Variants in MALT1 observed in about 807,000 individuals in gnomAD.
The protein encoded by MALT1 is MALT1 paracaspase.
A neutral mutation model predicts 85.5 loss-of-function variants in MALT1; 36 were observed. That is an observed-to-expected ratio of 0.42 (90% confidence interval 0.32 to 0.56). MALT1 has a LOEUF of 0.56. Ranked by LOEUF, MALT1 falls within the 20% of genes least tolerant of loss-of-function variation. The pLI is 0.10. For synonymous variants in MALT1, 359 were observed against 361.3 expected (o/e 0.99, Z 0.07); for missense variants, 716 against 981.6 (o/e 0.73, Z 3.62).
intron 1 of MALT1, 153 bp downstream of exon 1, chr18:58,672,005 G>T (rs538885990): frequency 3.1e-5 from 14 of 449,808 alleles, no homozygotes; most frequent in African/African-American, 2.7e-4. Flanking sequence ...GAGGCGGAGC[G>T]GAACTCAGCA....
intron 15 of MALT1, 83 bp from the exon 16 acceptor site, chr18:58,745,583 C>A: frequency 1.7e-6 from 2 of 1,200,588 alleles, no homozygotes; most frequent in South Asian, 1.4e-5. Flanking sequence ...AGGATAGTAT[C>A]AGTTAAGATG....
At chr18:58,737,437 C>T (rs965285166) in intron 13 of MALT1, among the ~76,000 whole-genome samples, 7 of 149,104 alleles carry the variant, frequency 4.7e-5, no homozygotes, top group Non-Finnish European at 1.0e-4. Flanking sequence ...AGTATGACCA[C>T]ACCACTGCTC....
chr18:58,710,991 A>G (rs779661977), intron 7 of MALT1, 38 bp downstream of exon 7: 2 of 1,493,514 alleles, frequency 1.3e-6, no homozygotes, highest in South Asian at 2.6e-5. Flanking sequence ...AATCTCCTGC[A>G]TGCTAGTTAC....
intron 12 of MALT1, 88 bp from the exon 13 acceptor site, chr18:58,735,114 G>T: frequency 1.6e-6 from 2 of 1,218,146 alleles, no homozygotes; most frequent in South Asian, 1.4e-5. Flanking sequence ...GCTTCTCTGA[G>T]TTCATTTTTA....
rs2054802425 is a variant in MALT1 at position 58,709,499 on chromosome 18, C to A, written c.771C>A (p.His257Gln). 1 of 1,612,652 alleles carries A rather than the reference C, an allele frequency of 6.2e-7. No homozygotes were observed. Among genetic ancestry groups the A allele is most frequent in the African/African-American group, 1.3e-5 (1 of 74,876 alleles). Reference sequence around the variant, plus strand: ...TTGCTGTTGGAAGCCCTATTCCTCACTACCAGTGGTTCAAAAATGAATTAC... The same window carrying A: ...TTGCTGTTGGAAGCCCTATTCCTCAATACCAGTGGTTCAAAAATGAATTAC... ...QCVAVGSPIP[H>Q]YQWFKNELPL... The change falls in exon 5 of 17, where the codon CAC becomes CAA. Residue 257 changes from histidine (H) to glutamine (Q), a missense_variant. Physicochemically the swap from His to Gln is conservative, Grantham distance 24. Around this residue, in one of 4 missense-constraint regions of MALT1, gnomAD observed 290 missense variants for 380.5 expected, o/e 0.76. Coordinates refer to ENST00000649217, the MANE Select transcript of MALT1 (RefSeq NM_006785.4).
intron 7 of MALT1, among the ~76,000 whole-genome samples, chr18:58,713,521 A>G (rs2054860912): frequency 6.6e-6 from 1 of 152,194 alleles, no homozygotes; most frequent in Admixed American, 6.5e-5. Flanking sequence ...CCAAGAAGAT[A>G]CAAGCCTGAG....
intron 9 of MALT1, among the ~76,000 whole-genome samples, chr18:58,716,593 G>A (rs2054903297): frequency 6.6e-6 from 1 of 152,194 alleles, no homozygotes; most frequent in Non-Finnish European, 1.5e-5. Flanking sequence ...TGTTGAAAGT[G>A]CCTAATATGT....
chr18:58,709,963 A>G lies in MALT1; in HGVS notation c.829-13A>G. 2.0e-6 allele frequency: 3 copies of G among 1,526,736 alleles called. No individual in the cohort carries two copies. The highest frequency in any genetic ancestry group is 1.8e-5 in the Admixed American group (1 of 56,238). 94.6% of individuals were successfully genotyped at this position (1,526,736 alleles called of 1,614,324 possible). ...AGAAGAGGAAGCATTTACATGTTCT[A>G]ATATTGATATAGGTGCCTTATGTGG... On this transcript the variant is annotated splice_polypyrimidine_tract_variant and intron_variant, in intron 5 of 16. Transcript: ENST00000649217.
Position 58,730,908 on chromosome 18 carries a change from CTT to C in MALT1, c.1223-2487_1223-2486del, listed in dbSNP as rs149374897. ...TGCATATTTGCCACTCATATATCCT[CTT>C]TGGAGAAGCATCAGATCCTTTGCCT... is the stretch of plus-strand genomic sequence containing the variant. On this transcript the variant is annotated intron_variant, in intron 10 of 16. Transcript: ENST00000649217. Among the ~76,000 whole-genome samples, 412 of 152,290 alleles carry C rather than the reference CTT, an allele frequency of 2.7e-3. 2 individuals carry two copies. The highest frequency in any genetic ancestry group is 4.4e-3 in the Non-Finnish European group (296 of 68,034).
At chr18:58,698,469 G>A (rs145836554) in intron 3 of MALT1, among the ~76,000 whole-genome samples, 2 of 152,304 alleles carry the variant, frequency 1.3e-5, no homozygotes, top group Non-Finnish European at 2.9e-5. Context: ...TAGCAGTAGC[G>A]TGGAGAAGAG....
chr18:58,672,692 A>G (rs1422758133), intron 1 of MALT1: 1 of 152,234 alleles, frequency 6.6e-6, no homozygotes, highest in Non-Finnish European at 1.5e-5. Flanking sequence ...TGGAAAAACA[A>G]ATTTTCCAAA....
chr18:58,750,020 TAAAG>T lies in MALT1; in HGVS notation c.*2182_*2185del, dbSNP rs928772613. 4.0e-5 allele frequency: 8 copies of T among 198,846 alleles called. No homozygotes were observed. The highest frequency in any genetic ancestry group is 1.6e-4 in the East Asian group (2 of 12,774). The allele number at this position is 198,846 out of a possible 1,614,324, so 12.3% of individuals were successfully genotyped here. A position where few individuals can be genotyped will look rare whatever the true frequency, so the allele number is the denominator to read the frequency against. ...AACATCTAAAAATCAAATAAGCTAA[TAAAG>T]AAAAGAGGTTTATACTGCAAAAGAA... On this transcript the variant is annotated 3_prime_UTR_variant, in exon 17 of 17. Transcript: ENST00000649217.
At chr18:58,740,053 A>G (rs1019231793) in intron 13 of MALT1, among the ~76,000 whole-genome samples, 1 of 152,208 alleles carries the variant, frequency 6.6e-6, no homozygotes, top group Non-Finnish European at 1.5e-5. Context: ...CTTGTACCAT[A>G]TAGGCTTTTC....
chr18:58,753,951 T>A lies in MALT1; in HGVS notation c.*6109T>A, dbSNP rs1313524904. ...GCTTGAGTTTAGTTGATAAATAGCA[T>A]TTTAGATACTAAAAATGATTGGATG... On this transcript the variant is annotated 3_prime_UTR_variant, in exon 17 of 17. Coordinates refer to ENST00000649217, the MANE Select transcript of MALT1 (RefSeq NM_006785.4). 6.6e-6 allele frequency: 1 copy of A among 152,226 alleles called. No individual in the cohort carries two copies. Among genetic ancestry groups the A allele is most frequent in the African/African-American group, 2.4e-5 (1 of 41,462 alleles). The allele number at this position is 152,226 out of a possible 1,614,324, so 9.4% of individuals were successfully genotyped here. A position where few individuals can be genotyped will look rare whatever the true frequency, so the allele number is the denominator to read the frequency against.
At chr18:58,701,292 G>A (rs1568134419) in intron 4 of MALT1, among the ~76,000 whole-genome samples, 1 of 151,972 alleles carries the variant, frequency 6.6e-6, no homozygotes. Context: ...GTTTCTCCCT[G>A]CTGCTTCCAT....
intron 2 of MALT1, among the ~76,000 whole-genome samples, chr18:58,682,500 G>A (rs999919167): frequency 2.6e-5 from 4 of 152,142 alleles, no homozygotes; most frequent in Admixed American, 1.3e-4. Flanking sequence ...TCCACATAGC[G>A]CAAGACGTCT....
chr18:58,700,416 A>G (rs2054654971), intron 3 of MALT1, 25 bp from the exon 4 acceptor site: 2 of 1,569,436 alleles, frequency 1.3e-6, no homozygotes, highest in East Asian at 4.6e-5. Flanking sequence ...TGAGTCATCC[A>G]CTTCTCTTAT....
chr18:58,676,186 A>C (rs925657689), intron 1 of MALT1, among the ~76,000 whole-genome samples: 1 of 152,150 alleles, frequency 6.6e-6, no homozygotes, highest in Admixed American at 6.5e-5. Flanking sequence ...AGCAGTAAGA[A>C]TTATTCTTTT....
chr18:58,754,458 C>T lies in MALT1; in HGVS notation c.*6616C>T, dbSNP rs982197831. 1 of 152,114 alleles carries T rather than the reference C, an allele frequency of 6.6e-6. No homozygotes were observed. Among genetic ancestry groups the T allele is most frequent in the Non-Finnish European group, 1.5e-5 (1 of 68,028 alleles). The allele number at this position is 152,114 out of a possible 1,614,324, so 9.4% of individuals were successfully genotyped here. A position where few individuals can be genotyped will look rare whatever the true frequency, so the allele number is the denominator to read the frequency against. ...ATTGTTAATATTTTAAAAATATTTT[C>T]CTAAGCTTTAGCTTTACCACTTCCA... On this transcript the variant is annotated 3_prime_UTR_variant, in exon 17 of 17. Coordinates refer to ENST00000649217, the MANE Select transcript of MALT1 (RefSeq NM_006785.4).
Sources: gnomAD v4.1 joint callset for allele counts (sites outside exome capture counted in the v4.1 genomes callset) on GRCh38, gnomAD v4.1.1 for gene constraint, gnomAD v4.1.1 regional missense constraint, MANE v1.5 for transcripts, NCBI Gene and HGNC (gene_info 2026-07-23, HGNC 2026-07-21) for gene names.